Variants in MINDY1 observed in about 807,000 individuals in gnomAD.
The protein encoded by MINDY1 is ubiquitin carboxyl-terminal hydrolase MINDY-1.
MINDY1 carries 50 observed loss-of-function variants against 53.6 expected under a neutral mutation model. The observed-to-expected ratio is 0.93, with a 90% CI of 0.74 to 1.18. The LOEUF (loss-of-function observed/expected upper bound fraction) is 1.18, where lower values mean the gene tolerates loss of function less well. Among genes scored for constraint, MINDY1 ranks in the 50% most tolerant of loss-of-function variants. The probability of loss-of-function intolerance (pLI) is 0.00; values close to 1 mark genes in which losing one functional copy is unlikely to be tolerated. For missense variants in MINDY1, 484 were observed against 578.6 expected (o/e 0.84, Z 1.68); for synonymous variants, 231 against 234.7 (o/e 0.98, Z 0.14).
At position 151,006,140 on chromosome 1, in the gene MINDY1, G is replaced by A. The variant is rs1673173367; in HGVS notation, c.-90+172C>T. 1.9e-6 allele frequency: 3 copies of A among 1,551,668 alleles called. No homozygotes were observed. The East Asian group carries it at 7.3e-5, about 38-fold the overall frequency. ...GGTTTCGTGCTTTCATTAAAAGGAGGAGGACCAAGCAGCATCCCCTTTACA... is the reference window on the plus strand; with the variant it reads ...GGTTTCGTGCTTTCATTAAAAGGAGAAGGACCAAGCAGCATCCCCTTTACA... On this transcript the variant is annotated intron_variant, in intron 1 of 9. Coordinates refer to ENST00000683666, the MANE Select transcript of MINDY1 (RefSeq NM_001376665.1).
chr1:150,997,248 C>G lies in MINDY1; in HGVS notation c.*39G>C, dbSNP rs779194906. Reference sequence around the variant, plus strand: ...GGAGCAAGCCAACTAGCCATAGCCTCTGGAAGAAGGGGCAGGCCAGCCTGG... The same window carrying G: ...GGAGCAAGCCAACTAGCCATAGCCTGTGGAAGAAGGGGCAGGCCAGCCTGG... On this transcript the variant is annotated 3_prime_UTR_variant, in exon 10 of 10. Transcript: ENST00000683666. 9 of 1,559,302 alleles carry G rather than the reference C, an allele frequency of 5.8e-6. No homozygotes were observed. The highest frequency in any genetic ancestry group is 7.8e-6 in the Non-Finnish European group (9 of 1,149,498).
intron 9 of MINDY1, 121 bp downstream of exon 9, chr1:150,997,503 G>C (rs781517420): frequency 2.6e-6 from 4 of 1,562,118 alleles, no homozygotes; most frequent in Non-Finnish European, 8.7e-7. Flanking sequence ...AGAGGGACAG[G>C]CAGGGGAAGG....
intron 1 of MINDY1, chr1:151,006,022 G>A (rs1673158982): frequency 2.0e-5 from 30 of 1,518,234 alleles, no homozygotes; most frequent in Middle Eastern, 1.7e-4. Context: ...TCTGACCTAT[G>A]TCTTTGTGCA....
At chr1:151,003,508 C>T (rs1030796799) in intron 1 of MINDY1, among the ~76,000 whole-genome samples, 7 of 151,638 alleles carry the variant, frequency 4.6e-5, no homozygotes, top group African/African-American at 1.7e-4. Context: ...AGATTAGGGG[C>T]ACAAAAAGCA....
At position 150,999,156 on chromosome 1, in the gene MINDY1, TC is replaced by T. The variant is rs1672232370; in HGVS notation, c.981+212del. ...GATAAAGGATCTTTTGTCAGCTGGG[TC>T]CCAGAGTGAAGATGGTGTGGGACAG... On this transcript the variant is annotated intron_variant, in intron 7 of 9. Transcript: ENST00000683666. This position sits in a 1 kb window ranked among gnomAD's most constrained non-coding sequence, Gnocchi z 4.4. 6.6e-6 allele frequency among the ~76,000 whole-genome samples: 1 copy of T among 151,866 alleles called. No homozygotes were observed. Among genetic ancestry groups the T allele is most frequent in the Admixed American group, 6.6e-5 (1 of 15,232 alleles).
At position 150,997,719 on chromosome 1, in the gene MINDY1, C is replaced by G; in HGVS notation, c.1234G>C (p.Asp412His). Residue 412 changes from aspartate (D) to histidine (H), a missense_variant, in exon 9 of 10, where the codon GAC (aspartate) becomes CAC (histidine). Transcript: ENST00000683666. Reference sequence around the variant, plus strand: ...TGAAGCTGCTGGGCCAGCTCCAAGTCGGTAAGCCCCAGCGGGCCTCGTGGC... The same window carrying G: ...TGAAGCTGCTGGGCCAGCTCCAAGTGGGTAAGCCCCAGCGGGCCTCGTGGC... ...QQPRGPLGLT[D>H]LELAQQLQQE... is the part of the protein sequence containing the mutation. The G allele has an allele frequency of 6.2e-7, 1 of 1,613,918 alleles. No homozygotes were observed.
Position 150,998,247 on chromosome 1 carries a change from G to T in MINDY1, c.1008C>A (p.Asp336Glu), listed in dbSNP as rs1672082863. The change falls in exon 8 of 10, where the codon GAC (aspartate) becomes GAA (glutamate). Residue 336 changes from aspartate (D) to glutamate (E), a missense_variant. Asp to Glu is a conservative substitution (Grantham distance 45, BLOSUM62 2). Coordinates refer to ENST00000683666, the MANE Select transcript of MINDY1 (RefSeq NM_001376665.1). ...CTTGCTCCTCCTGTAGAAAGCCCTG[G>T]TCAGTGACCAGTAGGTATAAGTGAC... Reference protein sequence around the residue: ...HKSHLYLLVTDQGFLQEEQVV... With the variant: ...HKSHLYLLVTEQGFLQEEQVV... 1 of 1,613,860 alleles carries T rather than the reference G, an allele frequency of 6.2e-7. No individual in the cohort carries two copies. The highest frequency in any genetic ancestry group is 8.5e-7 in the Non-Finnish European group (1 of 1,179,986).
At chr1:151,004,633 G>A (rs1233491124) in intron 1 of MINDY1, among the ~76,000 whole-genome samples, 2 of 152,022 alleles carry the variant, frequency 1.3e-5, no homozygotes, top group Non-Finnish European at 2.9e-5. Flanking sequence ...GGGAGGCTGA[G>A]GTGGGAGAAT....
Position 150,999,908 on chromosome 1 carries a change from C to T in MINDY1, c.792G>A (p.Arg264=), listed in dbSNP as rs775554843. 8 of 1,613,904 alleles carry T rather than the reference C, an allele frequency of 5.0e-6. No homozygotes were observed. In the Admixed American group the frequency reaches 1.0e-4, roughly 20 times the overall value. Residue 264 remains arginine (R), a synonymous_variant, in exon 6 of 10, where the codon AGG becomes AGA. Coordinates refer to ENST00000683666, the MANE Select transcript of MINDY1 (RefSeq NM_001376665.1). This position sits in a 1 kb window ranked among gnomAD's most constrained non-coding sequence, Gnocchi z 4.4. ...GKLSYNQLVE[R]IITCKHSSDT... is the part of the protein sequence containing the mutation. The stretch of plus-strand genomic sequence containing the variant: ...CACTGGAGTGTTTGCAGGTGATGAT[C>T]CTCTCCACCAGCTGGTTGTAACTCA...
chr1:151,004,736 T>TAAAAC (rs1672965318), intron 1 of MINDY1, among the ~76,000 whole-genome samples: 1 of 696 alleles, frequency 1.4e-3, no homozygotes, highest in Admixed American at 0.071. Context: ...ATCTCAAAAA[T>TAAAAC]AAAATAAAAT....
intron 1 of MINDY1, among the ~76,000 whole-genome samples, chr1:151,004,319 C>G (rs1672901024): frequency 6.6e-6 from 1 of 152,192 alleles, no homozygotes; most frequent in Non-Finnish European, 1.5e-5. Flanking sequence ...AGACATTTAA[C>G]TAATACTGTG....
chr1:151,006,018 C>T, intron 1 of MINDY1: 1 of 1,514,188 alleles, frequency 6.6e-7, no homozygotes, highest in South Asian at 1.2e-5. Context: ...TTAGTCTGAC[C>T]TATGTCTTTG....
chr1:151,002,429 C>G lies in MINDY1; in HGVS notation c.189G>C (p.Gly63=). The G allele has an allele frequency of 6.2e-7, 1 of 1,614,182 alleles. No homozygotes were observed. The highest frequency in any genetic ancestry group is 1.1e-5 in the South Asian group (1 of 91,084). ...ADQALLPSQC[G]DNLESPLPEA... is the part of the protein sequence containing the mutation. ...CAGGCAGAGGGGACTCAAGGTTGTC[C>G]CCACACTGGCTAGGCAGCAAAGCTT... The change falls in exon 2 of 10, where the codon GGG becomes GGC. Residue 63 remains glycine, a synonymous_variant. Transcript: ENST00000683666. This position sits in a 1 kb window ranked among gnomAD's most constrained non-coding sequence, Gnocchi z 4.1.
In MINDY1 at chr1:150,998,095, A is replaced by G; in HGVS notation, c.1160T>C (p.Leu387Pro). The change falls in exon 8 of 10, where the codon CTG becomes CCG. Residue 387 changes from leucine to proline, a missense_variant. Physicochemically the swap from Leu to Pro is moderately conservative, Grantham distance 98. Transcript: ENST00000683666. ...TGCCCTACACACCTGGTCTACCTGC[A>G]GCTGCGTTTCTGGGGAGCCACTCCC... is the stretch of plus-strand genomic sequence containing the variant. ...EGGSGSPETQ[L>P]QVDQDYLIAL... The G allele has an allele frequency of 1.2e-6, 2 of 1,611,858 alleles. No individual in the cohort carries two copies. The highest frequency in any genetic ancestry group is 1.7e-6 in the Non-Finnish European group (2 of 1,179,518).
rs587676749 is a variant in MINDY1, at chr1:150,999,215, G to A, written c.981+154C>T. 4.3e-4 allele frequency among the ~76,000 whole-genome samples: 65 copies of A among 152,244 alleles called. No homozygotes were observed. In the South Asian group the frequency reaches 8.9e-3, roughly 21 times the overall value. ...GCCAGTCCACAGTGGACACGCACCAGGAGCGGGAAATGAACCTTTGTTGTG... is the reference window on the plus strand; with the variant it reads ...GCCAGTCCACAGTGGACACGCACCAAGAGCGGGAAATGAACCTTTGTTGTG... On this transcript the variant is annotated intron_variant, in intron 7 of 9. Transcript: ENST00000683666. This position sits in a 1 kb window ranked among gnomAD's most constrained non-coding sequence, Gnocchi z 4.4.
rs374000030 is a variant in MINDY1 at position 151,000,502 on chromosome 1, G to A, written c.690C>T (p.Asp230=). 2 of 1,613,902 alleles carry A rather than the reference G, an allele frequency of 1.2e-6. No individual in the cohort carries two copies. Among genetic ancestry groups the A allele is most frequent in the African/African-American group, 1.3e-5 (1 of 74,992 alleles). The change falls in exon 5 of 10, where the codon GAC becomes GAT. Residue 230 remains aspartate (D), a synonymous_variant. Transcript: ENST00000683666. ...FEYTPECSVF[D]LLGIPLYHGW... ...CATGGTACAGAGGTATGCCTAGCAG[G>A]TCAAAGACACTGCACTCGGGTGTAT...
Position 150,999,279 on chromosome 1 carries a change from G to A in MINDY1, c.981+90C>T. ...ATTTGAGGGGTCACTTGCTACCACG[G>A]CTTAATCTAGCTGATCCCAGCTGGA... is the stretch of plus-strand genomic sequence containing the variant. On this transcript the variant is annotated intron_variant, in intron 7 of 9. Coordinates refer to ENST00000683666, the MANE Select transcript of MINDY1 (RefSeq NM_001376665.1). The surrounding 1 kb of genome is among the most constrained non-coding windows in gnomAD (Gnocchi z 4.4). 2 of 1,553,496 alleles carry A rather than the reference G, an allele frequency of 1.3e-6. No individual in the cohort carries two copies. Among genetic ancestry groups the A allele is most frequent in the Non-Finnish European group, 8.8e-7 (1 of 1,139,614 alleles).
rs1328557815 is a variant in MINDY1 at position 151,006,151 on chromosome 1, A to T, written c.-90+161T>A. On this transcript the variant is annotated intron_variant, in intron 1 of 9. Coordinates refer to ENST00000683666, the MANE Select transcript of MINDY1 (RefSeq NM_001376665.1). ...TTCATTAAAAGGAGGAGGACCAAGC[A>T]GCATCCCCTTTACATGTCTCTCCTG... 1.9e-6 allele frequency: 3 copies of T among 1,551,590 alleles called. No homozygotes were observed. Among genetic ancestry groups the T allele is most frequent in the African/African-American group, 1.4e-5 (1 of 73,046 alleles).
At chr1:151,008,165 T>G, upstream of MINDY1, 1 of 852,906 alleles carries the variant, frequency 1.2e-6, no homozygotes, top group Non-Finnish European at 1.4e-6. Flanking sequence ...ATGCTCGGTG[T>G]GATATATGTA....
Sources: allele counts gnomAD v4.1 joint callset (sites outside exome capture counted in the v4.1 genomes callset), GRCh38; gene constraint gnomAD v4.1.1; non-coding constraint Gnocchi (gnomAD v3.1); transcripts MANE v1.5; gene names NCBI Gene and HGNC (gene_info 2026-07-23, HGNC 2026-07-21).